PARPBP: variants seen among roughly 807,000 people sequenced by gnomAD.
PARPBP encodes the protein PARP1 binding protein, also known as PCNA-interacting partner.
In PARPBP, 52 loss-of-function variants were observed where a neutral mutation model predicts 50.0. The ratio of observed to expected loss-of-function variants is 1.04; its 90% confidence interval spans 0.83 to 1.31. The LOEUF is 1.31. Among genes scored for constraint, PARPBP ranks in the 50% most tolerant of loss-of-function variants. The pLI is 0.00. For missense variants in PARPBP, 697 were observed against 672.0 expected, an observed-to-expected ratio of 1.04 and a Z score of -0.41; for synonymous variants, 244 against 232.1, an observed-to-expected ratio of 1.05 and a Z score of -0.47.
At chr12:102,131,538 G>A (rs142065406) in intron 2 of PARPBP, among the ~76,000 whole-genome samples, 9 of 152,282 alleles carry the variant, frequency 5.9e-5, no homozygotes, top group African/African-American at 1.9e-4. Context: ...ACACATGCAT[G>A]TGTAGGTTTA....
chr12:102,183,642 T>C (rs910552831), intron 9 of PARPBP, among the ~76,000 whole-genome samples: 14 of 152,126 alleles, frequency 9.2e-5, no homozygotes, highest in Admixed American at 2.6e-4. Flanking sequence ...AATCTATCCA[T>C]TGGACTTGGA....
At chr12:102,133,374 A>T (rs1327752489) in intron 2 of PARPBP, among the ~76,000 whole-genome samples, 1 of 150,576 alleles carries the variant, frequency 6.6e-6, no homozygotes, top group Non-Finnish European at 1.5e-5. Context: ...ATTTTGTCAG[A>T]TGTTTTTTTC....
At position 102,146,764 on chromosome 12, in the gene PARPBP, G is replaced by A. The variant is rs193064681; in HGVS notation, c.154-1466G>A. Reference sequence around the variant, plus strand: ...CTTCTGCACAGCAAAAGAAACTACCGTCAGAGTGAACAGGCAACCTACAAA... The same window carrying A: ...CTTCTGCACAGCAAAAGAAACTACCATCAGAGTGAACAGGCAACCTACAAA... On this transcript the variant is annotated intron_variant, in intron 2 of 10. Coordinates refer to ENST00000327680, the MANE Select transcript of PARPBP (RefSeq NM_017915.5). 8.7e-3 allele frequency among the ~76,000 whole-genome samples: 1,317 copies of A among 151,880 alleles called. 23 individuals carry two copies. Among genetic ancestry groups the A allele is most frequent in the African/African-American group, 0.029 (1,207 of 41,402 alleles).
chr12:102,168,637 A>G (rs1006227019), intron 6 of PARPBP, among the ~76,000 whole-genome samples: 13 of 152,164 alleles, frequency 8.5e-5, no homozygotes, highest in Admixed American at 2.0e-4. Context: ...AGGGCAATTG[A>G]CCTGGTTTCT....
At chr12:102,186,543 T>C (rs1480403156) in intron 9 of PARPBP, among the ~76,000 whole-genome samples, 1 of 152,152 alleles carries the variant, frequency 6.6e-6, no homozygotes, top group Non-Finnish European at 1.5e-5. Flanking sequence ...TTTCAAGAAA[T>C]TTTTTAATTT....
Position 102,134,467 on chromosome 12 carries a change from C to G in PARPBP, c.153+10426C>G, listed in dbSNP as rs544427969. Among the ~76,000 whole-genome samples the G allele has an allele frequency of 3.9e-5, 6 of 152,136 alleles. No homozygotes were observed. The South Asian group carries it at 1.0e-3, about 26-fold the overall frequency. On this transcript the variant is annotated intron_variant, in intron 2 of 10. Coordinates refer to ENST00000327680, the MANE Select transcript of PARPBP (RefSeq NM_017915.5). ...GGACATTGAATCAGTAATAAAAAGT[C>G]TTTTATTAAAGAAAAGCCCAGGACC... is the stretch of plus-strand genomic sequence containing the variant.
At chr12:102,129,151 T>A (rs1303431409) in intron 2 of PARPBP, among the ~76,000 whole-genome samples, 1 of 152,206 alleles carries the variant, frequency 6.6e-6, no homozygotes, top group East Asian at 1.9e-4. Context: ...CGATTATTTT[T>A]AAAATTCATT....
Position 102,196,685 on chromosome 12 carries a change from C to A in PARPBP, c.*394C>A, listed in dbSNP as rs1891338649. 6.2e-7 allele frequency: 1 copy of A among 1,609,076 alleles called. No homozygotes were observed. The highest frequency in any genetic ancestry group is 1.7e-5 in the Admixed American group (1 of 59,914). The stretch of plus-strand genomic sequence containing the variant: ...GCCAACAAGGTCGGTAGACTCTTCC[C>A]AGCATACATCTGAGCACTGAAGGAA... On this transcript the variant is annotated 3_prime_UTR_variant, in exon 11 of 11. Coordinates refer to ENST00000327680, the MANE Select transcript of PARPBP (RefSeq NM_017915.5).
chr12:102,171,294 A>T (rs1440093865), intron 6 of PARPBP, among the ~76,000 whole-genome samples: 1 of 152,280 alleles, frequency 6.6e-6, no homozygotes, highest in East Asian at 1.9e-4. Flanking sequence ...CTATTATATT[A>T]CTGGCAGCAC....
chr12:102,156,247 C>T (rs981695516), intron 4 of PARPBP, among the ~76,000 whole-genome samples: 6 of 120,268 alleles, frequency 5.0e-5, no homozygotes, highest in East Asian at 2.8e-4. Flanking sequence ...AGTGCAGTGG[C>T]GCAATCTCGG....
At chr12:102,172,652 C>T (rs2136505223) in intron 6 of PARPBP, among the ~76,000 whole-genome samples, 1 of 152,270 alleles carries the variant, frequency 6.6e-6, no homozygotes, top group Admixed American at 6.5e-5. Flanking sequence ...TTCCTAAATA[C>T]AATTCAGCCA....
intron 2 of PARPBP, among the ~76,000 whole-genome samples, chr12:102,143,674 G>A (rs1041243805): frequency 4.6e-5 from 7 of 152,240 alleles, no homozygotes; most frequent in South Asian, 2.1e-4. Flanking sequence ...ATTATATGGC[G>A]AATGTATATG....
At chr12:102,175,715 CTTCTA>C in intron 7 of PARPBP, 49 bp downstream of exon 7, 3 of 1,173,752 alleles carry the variant, frequency 2.6e-6, no homozygotes, top group Non-Finnish European at 3.6e-6. Flanking sequence ...ATCATTATCT[CTTCTA>C]TTTATTGTAG....
Position 102,148,143 on chromosome 12 carries a change from A to T in PARPBP, c.154-87A>T, listed in dbSNP as rs1360560832. 4 of 555,078 alleles carry T rather than the reference A, an allele frequency of 7.2e-6. No homozygotes were observed. The East Asian group carries it at 1.3e-4, about 17-fold the overall frequency. 34.4% of individuals were successfully genotyped at this position (555,078 alleles called of 1,614,324 possible). A position where few individuals can be genotyped will look rare whatever the true frequency, so the allele number is the denominator to read the frequency against. On this transcript the variant is annotated intron_variant, in intron 2 of 10. Coordinates refer to ENST00000327680, the MANE Select transcript of PARPBP (RefSeq NM_017915.5). ...TTGAATGTAGACTTTACCAAAATTT[A>T]ATTTGTATTTCTTATCTCAGTTATA...
intron 7 of PARPBP, among the ~76,000 whole-genome samples, chr12:102,176,993 G>C (rs968295687): frequency 6.6e-6 from 1 of 152,112 alleles, no homozygotes; most frequent in African/African-American, 2.4e-5. Context: ...CTTGGCAGAA[G>C]AAATAAAGAT....
intron 9 of PARPBP, among the ~76,000 whole-genome samples, chr12:102,186,226 G>A (rs1270311417): frequency 6.6e-6 from 1 of 151,470 alleles, no homozygotes; most frequent in African/African-American, 2.4e-5. Flanking sequence ...TCTTAGTCTA[G>A]CTAATGGTTT....
chr12:102,141,521 T>A (rs1884596494), intron 2 of PARPBP, among the ~76,000 whole-genome samples: 1 of 152,246 alleles, frequency 6.6e-6, no homozygotes. Flanking sequence ...AATTTGATCC[T>A]GTCATTATGA....
chr12:102,154,450 C>G (rs927259434), intron 4 of PARPBP, among the ~76,000 whole-genome samples: 2 of 152,142 alleles, frequency 1.3e-5, no homozygotes, highest in Non-Finnish European at 2.9e-5. Flanking sequence ...AATTTACGTT[C>G]AGCTGAATAC....
intron 1 of PARPBP, chr12:102,120,597 C>T (rs1880869057): frequency 2.4e-6 from 1 of 420,166 alleles, no homozygotes; most frequent in Admixed American, 2.7e-5. Context: ...ACTATGTACA[C>T]GGACTCCAAT....
Sources: allele counts gnomAD v4.1 joint callset (sites outside exome capture counted in the v4.1 genomes callset), GRCh38; gene constraint gnomAD v4.1.1; transcripts MANE v1.5; gene names NCBI Gene and HGNC (gene_info 2026-07-23, HGNC 2026-07-21).